Variants in RAD51B observed in about 807,000 individuals in gnomAD.
RAD51B encodes RAD51 paralog B.
RAD51B carries 38 observed loss-of-function variants against 42.2 expected under a neutral mutation model. The ratio of observed to expected loss-of-function variants is 0.90; its 90% CI spans 0.70 to 1.18. The LOEUF (loss-of-function observed/expected upper bound fraction) is 1.18, where lower values mean the gene tolerates loss of function less well. Among genes scored for constraint, RAD51B ranks in the 50% most tolerant of loss-of-function variants. The pLI, the probability that RAD51B is intolerant of heterozygous loss-of-function variation, is 0.00. For synonymous variants in RAD51B, 154 were observed against 145.2 expected (o/e 1.06, Z -0.43); for missense variants, 373 against 400.7 (o/e 0.93, Z 0.59).
At chr14:68,436,632 T>C (rs1281250436) in intron 9 of RAD51B, among the ~76,000 whole-genome samples, 1 of 152,212 alleles carries the variant, frequency 6.6e-6, no homozygotes, top group Non-Finnish European at 1.5e-5. Context: ...TTTAATGATA[T>C]TGATTATTCT....
chr14:68,661,763 C>T (rs573386210), intron 11 of RAD51B, among the ~76,000 whole-genome samples: 2 of 152,170 alleles, frequency 1.3e-5, no homozygotes, highest in Non-Finnish European at 2.9e-5. Context: ...TCCAACAGCC[C>T]TGGGTGCGAA....
intron 7 of RAD51B, among the ~76,000 whole-genome samples, chr14:67,941,731 C>T (rs1343260762): frequency 1.3e-5 from 2 of 152,200 alleles, no homozygotes; most frequent in Non-Finnish European, 2.9e-5. Context: ...AGTACCTCCT[C>T]CTTTTGGCTA....
chr14:67,854,541 T>C (rs552328003), intron 4 of RAD51B, among the ~76,000 whole-genome samples: 7 of 150,862 alleles, frequency 4.6e-5, no homozygotes, highest in Admixed American at 4.6e-4. Flanking sequence ...GGCTGAGGCA[T>C]GAGAATCATT....
At chr14:68,581,459 C>A (rs1006274433) in intron 10 of RAD51B, among the ~76,000 whole-genome samples, 1 of 151,996 alleles carries the variant, frequency 6.6e-6, no homozygotes, top group Non-Finnish European at 1.5e-5. Context: ...TCCAGCTCAC[C>A]CTGCATTTAT....
chr14:67,941,835 C>T (rs772070320), intron 7 of RAD51B, among the ~76,000 whole-genome samples: 2 of 152,244 alleles, frequency 1.3e-5, no homozygotes, highest in Non-Finnish European at 2.9e-5. Context: ...TTTTTGGCCC[C>T]AGCCTAGTTT....
intron 10 of RAD51B, among the ~76,000 whole-genome samples, chr14:68,506,689 A>C (rs527348631): frequency 1.1e-4 from 17 of 152,286 alleles, no homozygotes; most frequent in Middle Eastern, 6.8e-3. Flanking sequence ...TCTCATTTAT[A>C]CATTGAAAGG....
chr14:68,121,975 A>T, intron 7 of RAD51B, among the ~76,000 whole-genome samples: 1 of 151,982 alleles, frequency 6.6e-6, no homozygotes, highest in East Asian at 1.9e-4. Flanking sequence ...TTCACATAAG[A>T]TAATGTTGGC....
chr14:67,901,235 C>T (rs936132966), intron 7 of RAD51B, among the ~76,000 whole-genome samples: 1 of 152,108 alleles, frequency 6.6e-6, no homozygotes, highest in Non-Finnish European at 1.5e-5. Context: ...AGTGCCTAAG[C>T]GAAAGCCACA....
chr14:68,328,712 G>A (rs1487075540), intron 8 of RAD51B, among the ~76,000 whole-genome samples: 1 of 152,218 alleles, frequency 6.6e-6, no homozygotes, highest in Non-Finnish European at 1.5e-5. Context: ...AAATGAATAT[G>A]TAACCGAAGC....
intron 7 of RAD51B, among the ~76,000 whole-genome samples, chr14:67,946,222 G>T (rs1441422205): frequency 6.6e-6 from 1 of 152,176 alleles, no homozygotes; most frequent in Non-Finnish European, 1.5e-5. Context: ...TCAGATAAAT[G>T]ATTATTTTTG....
chr14:67,881,856 C>G (rs541797243), intron 5 of RAD51B, among the ~76,000 whole-genome samples: 103 of 152,318 alleles, frequency 6.8e-4, no homozygotes, highest in Admixed American at 1.2e-3. Flanking sequence ...TTCACTCTAT[C>G]CAGGCTTAAG....
In RAD51B at chr14:68,490,072, AG is replaced by A. The variant is rs151060709; in HGVS notation, c.1036+21823del. Among the ~76,000 whole-genome samples the A allele has an allele frequency of 1.1e-3, 168 of 152,344 alleles. 3 individuals are homozygous for A. The East Asian group carries it at 0.029, about 26-fold the overall frequency. On this transcript the variant is annotated intron_variant, in intron 10 of 10. Coordinates refer to the RAD51B transcript ENST00000487270. ...CCTCTACTTATTTTTTAAACTTGTA[AG>A]ATCCAATCAAGTGTGGATGGTTGCC... is the stretch of plus-strand genomic sequence containing the variant.
At chr14:68,590,044 C>G (rs7143663) in intron 10 of RAD51B, among the ~76,000 whole-genome samples, 24,212 of 152,160 alleles carry the variant, frequency 0.16, 2,123 homozygotes, top group Non-Finnish European at 0.2. Flanking sequence ...AAGCCTTCCT[C>G]CCTGCCTCCA....
At chr14:68,079,798 C>G (rs1348867946) in intron 7 of RAD51B, among the ~76,000 whole-genome samples, 1 of 152,216 alleles carries the variant, frequency 6.6e-6, no homozygotes, top group African/African-American at 2.4e-5. Context: ...TCATCACCAT[C>G]TGTTTTCAAG....
At chr14:68,006,120 C>T (rs2075587992) in intron 7 of RAD51B, among the ~76,000 whole-genome samples, 1 of 152,168 alleles carries the variant, frequency 6.6e-6, no homozygotes, top group Non-Finnish European at 1.5e-5. Context: ...CCACCTCCAA[C>T]ATTGGGGATT....
chr14:68,226,196 A>T (rs564615509), intron 7 of RAD51B, among the ~76,000 whole-genome samples: 2 of 152,302 alleles, frequency 1.3e-5, no homozygotes, highest in East Asian at 3.9e-4. Context: ...GTGTTCTTAT[A>T]CTTGTCACTT....
intron 7 of RAD51B, among the ~76,000 whole-genome samples, chr14:67,907,321 G>A (rs756028949): frequency 6.6e-6 from 1 of 151,964 alleles, no homozygotes; most frequent in Admixed American, 6.6e-5. Context: ...TAGGTGTGAT[G>A]TTAGGTTGTT....
At chr14:68,410,563 A>G (rs1440761193) in intron 8 of RAD51B, among the ~76,000 whole-genome samples, 1 of 151,906 alleles carries the variant, frequency 6.6e-6, no homozygotes, top group Non-Finnish European at 1.5e-5. Context: ...GGCCTTGGGC[A>G]CAGGGCACAG....
chr14:68,224,159 A>G (rs2079988229), intron 7 of RAD51B, among the ~76,000 whole-genome samples: 1 of 152,180 alleles, frequency 6.6e-6, no homozygotes, highest in South Asian at 2.1e-4. Context: ...CGGATCTTTT[A>G]TACCACCTCC....
Sources: allele counts gnomAD v4.1 joint callset (sites outside exome capture counted in the v4.1 genomes callset), GRCh38; gene constraint gnomAD v4.1.1; transcripts MANE v1.5; gene names NCBI Gene and HGNC (gene_info 2026-07-23, HGNC 2026-07-21).